Variants in MMP16 observed in about 807,000 individuals in gnomAD.
MMP16 encodes the protein matrix metallopeptidase 16, also known as matrix metalloproteinase-16.
A neutral mutation model predicts 67.8 loss-of-function variants in MMP16; 12 were observed. The ratio of observed to expected loss-of-function variants is 0.18; its 90% CI spans 0.11 to 0.29. The LOEUF is 0.29. Ranked by LOEUF, MMP16 falls within the 10% of genes least tolerant of loss-of-function variation. The pLI is 1.00. For synonymous variants in MMP16, 249 were observed against 255.9 expected, an observed-to-expected ratio of 0.97 and a Z score of 0.26; for missense variants, 475 against 765.7, an observed-to-expected ratio of 0.62 and a Z score of 4.48.
At chr8:88,231,736 T>C (rs28904610) in intron 1 of MMP16, among the ~76,000 whole-genome samples, 1,710 of 152,304 alleles carry the variant, frequency 0.011, 24 homozygotes, top group African/African-American at 0.038. Context: ...CCTAAAGATA[T>C]CAACTTCACC....
chr8:88,053,481 A>G (rs1808294532), intron 8 of MMP16, among the ~76,000 whole-genome samples: 1 of 152,192 alleles, frequency 6.6e-6, no homozygotes, highest in Non-Finnish European at 1.5e-5. Flanking sequence ...AATTTTTTAC[A>G]GCGGCTCTAG....
rs1808080616 is a variant in MMP16 at position 88,038,200 on chromosome 8, G to A, written c.*3261C>T. 2.6e-5 allele frequency: 4 copies of A among 151,968 alleles called. No individual in the cohort carries two copies. The South Asian group carries it at 8.3e-4, about 31-fold the overall frequency. 9.4% of individuals were successfully genotyped at this position (151,968 alleles called of 1,614,324 possible). ...TACAATAAACAAATGGAATCCCACT[G>A]TTTGTGATTACATTGTCCTTATTGT... On this transcript the variant is annotated 3_prime_UTR_variant, in exon 10 of 10. Coordinates refer to ENST00000286614, the MANE Select transcript of MMP16 (RefSeq NM_005941.5). This position sits in a 1 kb window ranked among gnomAD's most constrained non-coding sequence, Gnocchi z 4.1.
chr8:88,179,140 A>C (rs2031241202), intron 3 of MMP16, among the ~76,000 whole-genome samples: 1 of 151,974 alleles, frequency 6.6e-6, no homozygotes, highest in Admixed American at 6.6e-5. Context: ...AAAAAAAACT[A>C]TACCTAAGCA....
intron 1 of MMP16, among the ~76,000 whole-genome samples, chr8:88,322,908 C>A (rs180798315): frequency 6.6e-6 from 1 of 152,178 alleles, no homozygotes; most frequent in East Asian, 1.9e-4. Flanking sequence ...AGCTAGAGAA[C>A]CTTAAAACAA....
At chr8:88,214,304 T>C (rs1199793513) in intron 1 of MMP16, among the ~76,000 whole-genome samples, 1 of 152,182 alleles carries the variant, frequency 6.6e-6, no homozygotes, top group Non-Finnish European at 1.5e-5. Flanking sequence ...GTTATTTATA[T>C]AGGTAAATGA....
chr8:88,085,093 A>T (rs1216674280), intron 6 of MMP16, among the ~76,000 whole-genome samples: 2 of 151,998 alleles, frequency 1.3e-5, no homozygotes, highest in South Asian at 2.1e-4. Context: ...CATTAATTTA[A>T]TTTCACACTA....
chr8:88,150,952 T>C (rs1808395167), intron 4 of MMP16, among the ~76,000 whole-genome samples: 1 of 138,100 alleles, frequency 7.2e-6, no homozygotes, highest in African/African-American at 2.7e-5. Flanking sequence ...ATCAGTGTGC[T>C]GTATTCAGGA....
rs191595529 is a variant in MMP16 at position 88,120,130 on chromosome 8, T to G, written c.710-1269A>C. 1.2e-4 allele frequency among the ~76,000 whole-genome samples: 18 copies of G among 151,776 alleles called. No individual in the cohort carries two copies. The East Asian group carries it at 3.3e-3, about 28-fold the overall frequency. On this transcript the variant is annotated intron_variant, in intron 4 of 9. Coordinates refer to ENST00000286614, the MANE Select transcript of MMP16 (RefSeq NM_005941.5). ...TGGTCTACCTGATTAAAAATACTAA[T>G]AGAGCATGGTTACTGGGGGTTGTCT...
intron 8 of MMP16, among the ~76,000 whole-genome samples, chr8:88,051,680 C>T (rs1169740049): frequency 3.3e-5 from 5 of 152,066 alleles, no homozygotes; most frequent in African/African-American, 7.2e-5. Context: ...AAGAAATAAA[C>T]GTATTTTTCT....
intron 6 of MMP16, among the ~76,000 whole-genome samples, chr8:88,082,588 T>C (rs936033163): frequency 6.6e-6 from 1 of 152,146 alleles, no homozygotes; most frequent in South Asian, 2.1e-4. Flanking sequence ...GGAAAATTTA[T>C]CTATATTAAC....
chr8:88,208,338 G>T (rs1809460692), intron 1 of MMP16, among the ~76,000 whole-genome samples: 2 of 152,188 alleles, frequency 1.3e-5, no homozygotes, highest in African/African-American at 4.8e-5. Context: ...CAGTATTTTA[G>T]TTGTCTGGAC....
chr8:88,204,735 AACT>A (rs1809399601), intron 1 of MMP16, among the ~76,000 whole-genome samples: 1 of 152,064 alleles, frequency 6.6e-6, no homozygotes. Context: ...AGCTGATAGA[AACT>A]ACTTTATTTC....
At chr8:88,090,506 T>C (rs1453759300) in intron 6 of MMP16, among the ~76,000 whole-genome samples, 2 of 151,912 alleles carry the variant, frequency 1.3e-5, no homozygotes, top group Non-Finnish European at 2.9e-5. Context: ...ACAGTTACTT[T>C]CTGAAAGGAA....
chr8:88,266,215 G>T (rs909881654), intron 1 of MMP16, among the ~76,000 whole-genome samples: 6 of 152,088 alleles, frequency 3.9e-5, no homozygotes, highest in African/African-American at 1.4e-4. Context: ...ACCCACGATG[G>T]AAACCAAGAG....
At chr8:88,093,636 A>G (rs1808977077) in intron 6 of MMP16, among the ~76,000 whole-genome samples, 1 of 151,876 alleles carries the variant, frequency 6.6e-6, no homozygotes, top group South Asian at 2.1e-4. Flanking sequence ...ACTTCTTTAT[A>G]AATAAAATTT....
chr8:88,324,807 C>T (rs10088444), intron 1 of MMP16, among the ~76,000 whole-genome samples: 52,883 of 151,840 alleles, frequency 0.35, 10,204 homozygotes, highest in African/African-American at 0.53. Context: ...GAAAACATCC[C>T]GTCATTCTGT....
intron 1 of MMP16, among the ~76,000 whole-genome samples, chr8:88,325,380 C>T (rs1045827096): frequency 5.9e-5 from 9 of 152,090 alleles, no homozygotes; most frequent in Non-Finnish European, 1.3e-4. Context: ...ACCATCAATC[C>T]AGGCTGTCCT....
intron 1 of MMP16, among the ~76,000 whole-genome samples, chr8:88,225,174 T>A (rs553123630): frequency 6.6e-6 from 1 of 152,160 alleles, no homozygotes; most frequent in South Asian, 2.1e-4. Context: ...TAATGTGAAA[T>A]AGCTGTGAGA....
chr8:88,069,051 T>A (rs1290284886), intron 7 of MMP16, among the ~76,000 whole-genome samples: 1 of 152,106 alleles, frequency 6.6e-6, no homozygotes, highest in African/African-American at 2.4e-5. Flanking sequence ...AGGCTCTTTG[T>A]ATCTGTATAT....
Sources: gnomAD v4.1 joint callset for allele counts (sites outside exome capture counted in the v4.1 genomes callset) on GRCh38, gnomAD v4.1.1 for gene constraint, Gnocchi (gnomAD v3.1) non-coding constraint, MANE v1.5 for transcripts, NCBI Gene and HGNC (gene_info 2026-07-23, HGNC 2026-07-21) for gene names.